SMIM7: variants seen among roughly 807,000 people sequenced by gnomAD.
The protein encoded by SMIM7 is small integral membrane protein 7.
A neutral mutation model predicts 13.3 loss-of-function variants in SMIM7; 12 were observed. The observed-to-expected ratio is 0.90, with a 90% CI of 0.58 to 1.46. The LOEUF is 1.46. Among genes scored for constraint, SMIM7 ranks in the 40% most tolerant of loss-of-function variants. The pLI is 0.00. For synonymous variants in SMIM7, 36 were observed against 35.8 expected (o/e 1.01, Z -0.02); for missense variants, 114 against 94.8 (o/e 1.20, Z -0.84).
Position 16,653,304 on chromosome 19 carries a change from C to T in SMIM7, c.212+731G>A, listed in dbSNP as rs573359012. Among the ~76,000 whole-genome samples, 9 of 152,272 alleles carry T rather than the reference C, an allele frequency of 5.9e-5. No homozygotes were observed. In the South Asian group the frequency reaches 1.4e-3, roughly 25 times the overall value. On this transcript the variant is annotated intron_variant, in intron 4 of 4. Transcript: ENST00000487416. ...TTATTTTGAAAACAGAAAGCAGGGCCGGGTGTGGTAGCTCACATCTGTAAT... is the reference window on the plus strand; with the variant it reads ...TTATTTTGAAAACAGAAAGCAGGGCTGGGTGTGGTAGCTCACATCTGTAAT...
intron 3 of SMIM7, among the ~76,000 whole-genome samples, chr19:16,657,229 G>C (rs1002075242): frequency 2.6e-5 from 4 of 152,208 alleles, no homozygotes; most frequent in Non-Finnish European, 4.4e-5. Flanking sequence ...GGAAGCAGCA[G>C]GTGCAGCACC....
At chr19:16,631,856 TA>T (rs1205438759) in intron 4 of SMIM7, 1 of 151,746 alleles carries the variant, frequency 6.6e-6, no homozygotes, top group Non-Finnish European at 1.5e-5. Context: ...ATGTTTGCTT[TA>T]ACAGGCGGGT....
chr19:16,642,542 T>C (rs752340150), downstream of SMIM7, among the ~76,000 whole-genome samples: 5 of 150,970 alleles, frequency 3.3e-5, no homozygotes, highest in Non-Finnish European at 5.9e-5. Flanking sequence ...AGTGAGACTG[T>C]CTCAAACAAA....
chr19:16,635,064 A>T (rs1407386671), intron 4 of SMIM7: 1 of 152,112 alleles, frequency 6.6e-6, no homozygotes, highest in East Asian at 1.9e-4. Flanking sequence ...GGGGCTGGCT[A>T]AAGAGTCCAG....
chr19:16,636,729 A>G (rs2086363691), intron 4 of SMIM7, among the ~76,000 whole-genome samples: 1 of 152,180 alleles, frequency 6.6e-6, no homozygotes, highest in South Asian at 2.1e-4. Context: ...AGGTGGGAGG[A>G]CTGCTTGAGC....
chr19:16,647,400 G>A, intron 4 of SMIM7, 139 bp from the exon 5 acceptor site: 1 of 922,692 alleles, frequency 1.1e-6, no homozygotes, highest in South Asian at 1.4e-5. Flanking sequence ...AAAGTAACCT[G>A]TGATCCACCT....
intron 3 of SMIM7, among the ~76,000 whole-genome samples, chr19:16,658,275 ATCTG>A (rs1288705549): frequency 6.6e-6 from 1 of 152,150 alleles, no homozygotes; most frequent in African/African-American, 2.4e-5. Flanking sequence ...GTTCCACTCT[ATCTG>A]TCTTACCCCT....
chr19:16,651,502 TG>T (rs2086524034), intron 4 of SMIM7, among the ~76,000 whole-genome samples: 1 of 152,114 alleles, frequency 6.6e-6, no homozygotes, highest in African/African-American at 2.4e-5. Flanking sequence ...ATCAGGACCC[TG>T]GGCTACTGAC....
In SMIM7 at chr19:16,632,535, A is replaced by T. The variant is rs1392394058; in HGVS notation, c.*138-811T>A. Among the ~76,000 whole-genome samples, 213 of 126,948 alleles carry T rather than the reference A, an allele frequency of 1.7e-3. 1 individual carries two copies. The highest frequency in any genetic ancestry group is 0.016 in the East Asian group (75 of 4,584). 83.3% of individuals were successfully genotyped at this position (126,948 alleles called of 152,430 possible). A position where few individuals can be genotyped will look rare whatever the true frequency, so the allele number is the denominator to read the frequency against. On this transcript the variant is annotated intron_variant and NMD_transcript_variant, in intron 4 of 4. Transcript: ENST00000465250. ...ATGAAAAAAGTCATTAACTGTGAAC[A>T]TTTTTTTTTTTTTTTTTTTTGAGGC...
At chr19:16,659,341 C>G in intron 3 of SMIM7, 54 bp downstream of exon 3, 1 of 1,333,274 alleles carries the variant, frequency 7.5e-7, no homozygotes. Flanking sequence ...CTTGGCGAAA[C>G]AGAACTGTCC....
At chr19:16,631,346 A>ACCACACT (rs1453187692) in exon 5 of SMIM7, 2 of 152,108 alleles carry the variant, frequency 1.3e-5, no homozygotes, top group East Asian at 3.9e-4. Flanking sequence ...AGATCACACC[A>ACCACACT]CCACACTCCA....
intron 4 of SMIM7, chr19:16,639,924 C>T (rs58876763): frequency 0.014 from 2,072 of 152,236 alleles, 32 homozygotes; most frequent in African/African-American, 0.031. Context: ...TTATAAATTA[C>T]CCAGTCTCAG....
intron 4 of SMIM7, among the ~76,000 whole-genome samples, chr19:16,651,933 G>C (rs1227421942): frequency 1.7e-5 from 2 of 115,904 alleles, no homozygotes; most frequent in Non-Finnish European, 1.7e-5. Flanking sequence ...TAGAAGCATA[G>C]TGACTTCTTC....
Position 16,656,280 on chromosome 19 carries a change from C to T in SMIM7, c.122-2155G>A, listed in dbSNP as rs10421591. On this transcript the variant is annotated intron_variant, in intron 3 of 4. Coordinates refer to ENST00000487416, the MANE Select transcript of SMIM7 (RefSeq NM_024104.4). Reference sequence around the variant, plus strand: ...GCGCGTGCCTGTAATCCCAAATCCTCGGGAGGCTGAGGCACGAAAATCACT... The same window carrying T: ...GCGCGTGCCTGTAATCCCAAATCCTTGGGAGGCTGAGGCACGAAAATCACT... Among the ~76,000 whole-genome samples the T allele has an allele frequency of 6.1e-3, 923 of 152,098 alleles. 12 individuals are homozygous for T. Among genetic ancestry groups the T allele is most frequent in the African/African-American group, 0.021 (876 of 41,486 alleles).
At chr19:16,639,614 C>T (rs2086390588) in intron 4 of SMIM7, among the ~76,000 whole-genome samples, 1 of 152,192 alleles carries the variant, frequency 6.6e-6, no homozygotes, top group African/African-American at 2.4e-5. Context: ...TATAATTTGC[C>T]TGTGTCCCCA....
At chr19:16,653,996 AAG>A in intron 4 of SMIM7, 37 bp downstream of exon 4, 8 of 1,564,944 alleles carry the variant, frequency 5.1e-6, no homozygotes, top group Non-Finnish European at 7.0e-6. Context: ...GAAGGAGACT[AAG>A]AGACGACAGT....
At chr19:16,640,478 G>A (rs1180752154) in intron 4 of SMIM7, 1 of 152,208 alleles carries the variant, frequency 6.6e-6, no homozygotes, top group African/African-American at 2.4e-5. Context: ...TAATGAAATG[G>A]TTGAAATGAA....
intron 3 of SMIM7, among the ~76,000 whole-genome samples, chr19:16,658,400 A>G (rs567213839): frequency 6.6e-6 from 1 of 152,220 alleles, no homozygotes; most frequent in South Asian, 2.1e-4. Context: ...TCCCCTTAAG[A>G]CTCCAAATAG....
intron 4 of SMIM7, 165 bp downstream of exon 4, chr19:16,653,870 A>G (rs8102804): frequency 0.14 from 87,034 of 629,416 alleles, 8,032 homozygotes; most frequent in African/African-American, 0.37. Flanking sequence ...ACTCCAGTTT[A>G]GGCGACAGAG....
Sources: gnomAD v4.1 joint callset for allele counts (sites outside exome capture counted in the v4.1 genomes callset) on GRCh38, gnomAD v4.1.1 for gene constraint, MANE v1.5 for transcripts, NCBI Gene and HGNC (gene_info 2026-07-23, HGNC 2026-07-21) for gene names.